The following CNTN3 variants were observed in gnomAD, a reference collection of about 807,000 sequenced individuals.
CNTN3 encodes contactin-3.
CNTN3 carries 60 observed loss-of-function variants against 119.1 expected under a neutral mutation model. That is an observed-to-expected ratio of 0.50 (90% confidence interval 0.41 to 0.62). The LOEUF is 0.62. CNTN3 is among the 20% of genes least tolerant of loss of function. CNTN3 has a pLI of 0.00. For missense variants in CNTN3, 1,101 were observed against 1,242.4 expected (o/e 0.89, Z 1.71); for synonymous variants, 450 against 438.7 (o/e 1.03, Z -0.32).
chr3:74,288,826 G>C lies in CNTN3; in HGVS notation c.2518-3335C>G, dbSNP rs7428894. On this transcript the variant is annotated intron_variant, in intron 19 of 22. Transcript: ENST00000263665. Reference sequence around the variant, plus strand: ...CCTTCTGCCTCTCTTCATCATGTCTGTATCTCTTGTTCCAACCCAAAAGGG... The same window carrying C: ...CCTTCTGCCTCTCTTCATCATGTCTCTATCTCTTGTTCCAACCCAAAAGGG... Among the ~76,000 whole-genome samples the C allele has an allele frequency of 3.2e-3, 490 of 152,266 alleles. 11 individuals are homozygous for C. Among genetic ancestry groups the C allele is most frequent in the Admixed American group, 0.028 (434 of 15,280 alleles).
At chr3:74,449,044 C>A (rs1241677724) in intron 4 of CNTN3, among the ~76,000 whole-genome samples, 1 of 152,016 alleles carries the variant, frequency 6.6e-6, no homozygotes, top group African/African-American at 2.4e-5. Context: ...TTTAAATAGT[C>A]TCCTTCTATT....
At chr3:74,300,650 ACAG>A (rs1200892242) in intron 16 of CNTN3, among the ~76,000 whole-genome samples, 1 of 152,220 alleles carries the variant, frequency 6.6e-6, no homozygotes, top group African/African-American at 2.4e-5. Context: ...TCTGAGTGAA[ACAG>A]CATCATGAAA....
intron 20 of CNTN3, among the ~76,000 whole-genome samples, chr3:74,283,832 C>T (rs923773104): frequency 6.6e-6 from 1 of 152,012 alleles, no homozygotes; most frequent in Non-Finnish European, 1.5e-5. Flanking sequence ...TCTGTATTTC[C>T]AAACCCATGT....
At chr3:74,518,050 C>A (rs768218576) in intron 2 of CNTN3, among the ~76,000 whole-genome samples, 7 of 151,938 alleles carry the variant, frequency 4.6e-5, no homozygotes, top group African/African-American at 1.4e-4. Flanking sequence ...CCAACAGATA[C>A]TTTTGAGACT....
intron 4 of CNTN3, among the ~76,000 whole-genome samples, chr3:74,440,624 G>A (rs1046913186): frequency 1.3e-5 from 2 of 152,060 alleles, no homozygotes; most frequent in East Asian, 3.9e-4. Context: ...AAATTTGTCT[G>A]TACTGAACAT....
At chr3:74,610,005 G>A (rs537977498) in intron 1 of CNTN3, among the ~76,000 whole-genome samples, 1 of 152,170 alleles carries the variant, frequency 6.6e-6, no homozygotes, top group Admixed American at 6.5e-5. Context: ...TTACACTGTG[G>A]CCTAAGGGAT....
intron 1 of CNTN3, among the ~76,000 whole-genome samples, chr3:74,606,647 A>C (rs2106712246): frequency 6.6e-6 from 1 of 152,300 alleles, no homozygotes; most frequent in South Asian, 2.1e-4. Context: ...AGCAAGTCAT[A>C]ATATAGAACT....
chr3:74,351,065 T>A (rs1391275503), intron 11 of CNTN3, among the ~76,000 whole-genome samples: 1 of 152,170 alleles, frequency 6.6e-6, no homozygotes. Flanking sequence ...CCTGCACATT[T>A]GCCCTCTGAA....
intron 1 of CNTN3, among the ~76,000 whole-genome samples, chr3:74,609,301 G>A (rs547359704): frequency 3.3e-5 from 5 of 152,310 alleles, no homozygotes; most frequent in African/African-American, 7.2e-5. Context: ...ACAGCACTGC[G>A]TGTCAAATAG....
At chr3:74,542,514 T>C (rs1285151610) in intron 1 of CNTN3, among the ~76,000 whole-genome samples, 1 of 152,150 alleles carries the variant, frequency 6.6e-6, no homozygotes, top group Non-Finnish European at 1.5e-5. Flanking sequence ...AGCACATTTT[T>C]GAAAAAGTTC....
chr3:74,327,721 T>C (rs943242603), intron 13 of CNTN3, among the ~76,000 whole-genome samples: 3 of 152,064 alleles, frequency 2.0e-5, no homozygotes, highest in Admixed American at 6.6e-5. Context: ...GGTGGAAAAT[T>C]GATTTGCAAG....
intron 13 of CNTN3, among the ~76,000 whole-genome samples, chr3:74,319,551 A>C (rs2106666625): frequency 6.6e-6 from 1 of 152,196 alleles, no homozygotes; most frequent in Non-Finnish European, 1.5e-5. Flanking sequence ...TAGACCTAAA[A>C]CCATAAAAAC....
chr3:74,478,429 T>C (rs1702700110), intron 4 of CNTN3, among the ~76,000 whole-genome samples: 5 of 152,000 alleles, frequency 3.3e-5, no homozygotes, highest in Admixed American at 3.3e-4. Flanking sequence ...GAACTGCAGG[T>C]GATGTTTTGT....
chr3:74,608,273 T>C (rs1444550865), intron 1 of CNTN3, among the ~76,000 whole-genome samples: 2 of 152,178 alleles, frequency 1.3e-5, no homozygotes, highest in Non-Finnish European at 2.9e-5. Context: ...CTCGGCTCTA[T>C]GACAGGGGCT....
At chr3:74,275,347 T>C (rs777613569) in intron 20 of CNTN3, among the ~76,000 whole-genome samples, 64 of 152,182 alleles carry the variant, frequency 4.2e-4, no homozygotes, top group South Asian at 2.1e-4. Context: ...CACTTTGTCA[T>C]CAGGCTATCT....
Position 74,285,831 on chromosome 3 carries a change from A to ATATG in CNTN3, c.2518-341_2518-340insCATA, listed in dbSNP as rs1330406882. On this transcript the variant is annotated intron_variant, in intron 19 of 22. Transcript: ENST00000263665. Reference sequence around the variant, plus strand: ...TATATATATATATATATATATATATATATATATAAAATTAAAAATAGGAAC... The same window carrying ATATG: ...TATATATATATATATATATATATATATATGTATATATAAAATTAAAAATAGGAAC... Among the ~76,000 whole-genome samples, 3 of 132,378 alleles carry ATATG rather than the reference A, an allele frequency of 2.3e-5. No homozygotes were observed. In the East Asian group the frequency reaches 6.6e-4, roughly 29 times the overall value. The allele number at this position is 132,378 out of a possible 152,430, so 86.8% of individuals were successfully genotyped here.
intron 4 of CNTN3, among the ~76,000 whole-genome samples, chr3:74,481,774 A>G (rs780410441): frequency 6.6e-6 from 1 of 151,860 alleles, no homozygotes; most frequent in Non-Finnish European, 1.5e-5. Context: ...GAGTGTAGAA[A>G]TTTGAAAGTG....
At chr3:74,477,533 TA>T (rs1212249805) in intron 4 of CNTN3, among the ~76,000 whole-genome samples, 1 of 151,938 alleles carries the variant, frequency 6.6e-6, no homozygotes, top group African/African-American at 2.4e-5. Flanking sequence ...GATCTAAAAA[TA>T]AAAACTCATG....
chr3:74,498,764 G>A (rs1048901739), intron 3 of CNTN3, among the ~76,000 whole-genome samples: 10 of 151,730 alleles, frequency 6.6e-5, no homozygotes, highest in African/African-American at 2.2e-4. Context: ...TATAGAAAAG[G>A]TTTTGTCAAG....
Sources: gnomAD v4.1 joint callset for allele counts (sites outside exome capture counted in the v4.1 genomes callset) on GRCh38, gnomAD v4.1.1 for gene constraint, MANE v1.5 for transcripts, NCBI Gene and HGNC (gene_info 2026-07-23, HGNC 2026-07-21) for gene names.